Variants in ATRX observed in about 807,000 individuals in gnomAD.
ATRX encodes the protein ATRX chromatin remodeler.
A neutral mutation model predicts 172.6 loss-of-function variants in ATRX; 12 were observed. The ratio of observed to expected loss-of-function variants is 0.07; its 90% CI spans 0.04 to 0.11. The LOEUF (loss-of-function observed/expected upper bound fraction) is 0.11. ATRX is among the 10% of genes least tolerant of loss of function. ATRX has a pLI of 1.00. For synonymous variants in ATRX, 674 were observed against 594.7 expected (o/e 1.13, Z -1.94); for missense variants, 1,368 against 1,767.4 (o/e 0.77, Z 4.05).
rs1427456110 is a variant in ATRX, at chrX:77,648,480, A to T, written c.4557+3634T>A. On this transcript the variant is annotated intron_variant, in intron 15 of 34. Coordinates refer to ENST00000373344, the MANE Select transcript of ATRX (RefSeq NM_000489.6). ...CCTTTAAAAATGCATACGTTAAAGA[A>T]GATCCAAAATCCACCTTAAGTAGCT... is the stretch of plus-strand genomic sequence containing the variant. 3.6e-5 allele frequency among the ~76,000 whole-genome samples: 4 copies of T among 111,738 alleles called. No homozygotes were observed. In the East Asian group the frequency reaches 1.1e-3, roughly 31 times the overall value.
At chrX:77,648,836 A>C (rs782478026) in intron 15 of ATRX, among the ~76,000 whole-genome samples, 2 of 111,423 alleles carry the variant, frequency 1.8e-5, no homozygotes, top group Non-Finnish European at 3.8e-5. Flanking sequence ...AACAGACCTA[A>C]AGAAAAAGAA....
At chrX:77,661,482 A>C (rs1216402633) in intron 12 of ATRX, among the ~76,000 whole-genome samples, 5 of 103,316 alleles carry the variant, frequency 4.8e-5, no homozygotes, top group Non-Finnish European at 8.2e-5. Context: ...AAAAAAAAAA[A>C]CTTTTCAATG....
intron 2 of ATRX, among the ~76,000 whole-genome samples, chrX:77,716,355 T>TAA (rs2073426464): frequency 1.1e-5 from 1 of 93,473 alleles, no homozygotes; most frequent in Admixed American, 1.2e-4. Context: ...TATATCTTTT[T>TAA]AAAAGAGAGA....
chrX:77,653,521 GA>G (rs2069386993), intron 14 of ATRX, among the ~76,000 whole-genome samples: 1 of 111,950 alleles, frequency 8.9e-6, no homozygotes, highest in African/African-American at 3.2e-5. Context: ...AGACATAAAT[GA>G]AAATAGAGGT....
chrX:77,551,061 A>G (rs1339996238), intron 30 of ATRX, among the ~76,000 whole-genome samples: 3 of 111,829 alleles, frequency 2.7e-5, no homozygotes, highest in Admixed American at 9.5e-5. Context: ...TAAAGATTCA[A>G]TGCCATCCCC....
intron 12 of ATRX, 110 bp from the exon 13 acceptor site, chrX:77,656,763 A>T: frequency 1.7e-6 from 1 of 599,008 alleles, no homozygotes; most frequent in East Asian, 3.7e-5. Flanking sequence ...AGAACATCAG[A>T]GGTATATATG....
intron 1 of ATRX, among the ~76,000 whole-genome samples, chrX:77,752,620 T>C (rs1431460488): frequency 1.8e-5 from 2 of 112,125 alleles, no homozygotes; most frequent in Non-Finnish European, 3.8e-5. Context: ...AAATAGCTCT[T>C]ATTATTTTGA....
intron 1 of ATRX, among the ~76,000 whole-genome samples, chrX:77,736,927 A>G (rs2074595506): frequency 8.9e-6 from 1 of 111,888 alleles, no homozygotes; most frequent in African/African-American, 3.2e-5. Flanking sequence ...AACAACATGG[A>G]TGGAACTAGA....
chrX:77,633,805 TAAAC>T (rs1557106841), intron 17 of ATRX, 93 bp from the exon 18 acceptor site: 1 of 966,717 alleles, frequency 1.0e-6, no homozygotes, highest in Non-Finnish European at 1.4e-6. Flanking sequence ...TTGTTTTGCT[TAAAC>T]AATAAACGGC....
chrX:77,733,260 T>C (rs2074377436), intron 1 of ATRX, among the ~76,000 whole-genome samples: 1 of 111,277 alleles, frequency 9.0e-6, no homozygotes, highest in South Asian at 3.7e-4. Flanking sequence ...GCAATCCCTA[T>C]CAAAATACCA....
At chrX:77,781,435 C>A (rs1421480981) in intron 1 of ATRX, among the ~76,000 whole-genome samples, 2 of 78,234 alleles carry the variant, frequency 2.6e-5, no homozygotes, top group Non-Finnish European at 2.3e-5. Context: ...TAGTGAGACT[C>A]TGTCTCAAAA....
rs782065949 is a variant in ATRX, at chrX:77,676,267, G to T, written c.3768C>A (p.Val1256=). 3 of 1,205,382 alleles carry T rather than the reference G, an allele frequency of 2.5e-6. No individual in the cohort carries two copies. Among genetic ancestry groups the T allele is most frequent in the South Asian group, 1.8e-5 (1 of 56,671 alleles). ...GDEALSKSVP[V]TVDDDDDDND... is the part of the protein sequence containing the mutation. ...TGTCGTCATCATCATCATCCACTGT[G>T]ACAGGCACTGATTTAGATAAGGCTT... Residue 1256 remains valine (V), a synonymous_variant, in exon 10 of 35, where the codon GTC becomes GTA. Transcript: ENST00000373344.
intron 10 of ATRX, among the ~76,000 whole-genome samples, chrX:77,665,706 T>C (rs1486256762): frequency 8.9e-6 from 1 of 112,195 alleles, no homozygotes; most frequent in Non-Finnish European, 1.9e-5. Context: ...ACAAGATGTT[T>C]TGATAAGTCT....
intron 2 of ATRX, among the ~76,000 whole-genome samples, chrX:77,699,222 C>T (rs2072365498): frequency 9.0e-6 from 1 of 110,652 alleles, no homozygotes; most frequent in Admixed American, 9.7e-5. Flanking sequence ...TAGCCTCAAC[C>T]TCCCGGGTTC....
chrX:77,510,630 G>C (rs2062837600), intron 34 of ATRX, among the ~76,000 whole-genome samples: 1 of 111,914 alleles, frequency 8.9e-6, no homozygotes, highest in African/African-American at 3.2e-5. Flanking sequence ...CTTGGGCCCT[G>C]AGTGAACATC....
At chrX:77,665,787 A>G (rs782495001) in intron 10 of ATRX, among the ~76,000 whole-genome samples, 13 of 111,931 alleles carry the variant, frequency 1.2e-4, no homozygotes, top group Non-Finnish European at 2.4e-4. Context: ...TTCAAAAAGA[A>G]GATGGCATGA....
chrX:77,546,654 G>A (rs2064254569), intron 30 of ATRX, among the ~76,000 whole-genome samples: 1 of 111,316 alleles, frequency 9.0e-6, no homozygotes, highest in South Asian at 3.8e-4. Context: ...ACCAAGCCTG[G>A]CTAATTTTTT....
rs1338921882 is a variant in ATRX, at chrX:77,681,977, C to A, written c.3279G>T (p.Arg1093Ser). The A allele has an allele frequency of 8.3e-7, 1 of 1,210,407 alleles. No homozygotes were observed. ...TTGAACTCTTTCCAAGCAACTTGCA[C>A]CTTTTCTTCTCTCTACCATATGCTC... ...KNGAYGREKKRCKLLGKSSRK... is the reference protein window; with the variant it reads ...KNGAYGREKKSCKLLGKSSRK... The change falls in exon 9 of 35, where the codon AGG becomes AGT. Residue 1093 changes from arginine (R) to serine (S), a missense_variant. Transcript: ENST00000373344.
At chrX:77,569,941 AT>A (rs1364149007) in intron 28 of ATRX, among the ~76,000 whole-genome samples, 1 of 112,139 alleles carries the variant, frequency 8.9e-6, no homozygotes, top group Non-Finnish European at 1.9e-5. Flanking sequence ...TAAAATTCAT[AT>A]AAAAATAGCT....
Sources: gnomAD v4.1 joint callset for allele counts (sites outside exome capture counted in the v4.1 genomes callset) on GRCh38, gnomAD v4.1.1 for gene constraint, MANE v1.5 for transcripts, NCBI Gene and HGNC (gene_info 2026-07-23, HGNC 2026-07-21) for gene names.